TP63: variants seen among roughly 807,000 people sequenced by gnomAD.
TP63 encodes tumor protein p63.
In TP63, 17 loss-of-function variants were observed where a neutral mutation model predicts 82.8. The ratio of observed to expected loss-of-function variants is 0.21; its 90% CI spans 0.14 to 0.31. The LOEUF is 0.31. TP63 is among the 10% of genes least tolerant of loss of function. The pLI, the probability that TP63 is intolerant of heterozygous loss-of-function variation, is 1.00. For synonymous variants in TP63, 330 were observed against 321.7 expected (o/e 1.03, Z -0.28); for missense variants, 648 against 895.3 (o/e 0.72, Z 3.52).
intron 3 of TP63, among the ~76,000 whole-genome samples, chr3:189,779,064 C>G (rs1452391938): frequency 6.6e-6 from 1 of 152,136 alleles, no homozygotes; most frequent in Non-Finnish European, 1.5e-5. Flanking sequence ...AAATACAACA[C>G]TCATACTGAA....
At chr3:189,885,475 C>T (rs1720346802) in intron 10 of TP63, among the ~76,000 whole-genome samples, 1 of 152,184 alleles carries the variant, frequency 6.6e-6, no homozygotes, top group Non-Finnish European at 1.5e-5. Context: ...TGTTAAGTAG[C>T]TCGCATGGGC....
rs374382657 is a variant in TP63, at chr3:189,830,520, G to A, written c.579+21994G>A. Among the ~76,000 whole-genome samples, 4 of 152,186 alleles carry A rather than the reference G, an allele frequency of 2.6e-5. No homozygotes were observed. In the South Asian group the frequency reaches 8.3e-4, roughly 32 times the overall value. On this transcript the variant is annotated intron_variant, in intron 4 of 13. Coordinates refer to ENST00000264731, the MANE Select transcript of TP63 (RefSeq NM_003722.5). ...ATCACTTTTCCTTTCATCATAGTGA[G>A]TTTTCATCACAAACCACAATGATAT... is the stretch of plus-strand genomic sequence containing the variant.
At chr3:189,800,489 AG>A (rs1483064027) in intron 3 of TP63, among the ~76,000 whole-genome samples, 7 of 151,002 alleles carry the variant, frequency 4.6e-5, no homozygotes, top group African/African-American at 1.7e-4. Flanking sequence ...AAAAAAAAAA[AG>A]AAAAAAAAAG....
At chr3:189,812,846 T>C (rs1271223800) in intron 4 of TP63, among the ~76,000 whole-genome samples, 1 of 152,210 alleles carries the variant, frequency 6.6e-6, no homozygotes, top group African/African-American at 2.4e-5. Context: ...AGGTACTCAT[T>C]TGAGAGAATG....
chr3:189,872,637 G>A (rs952669306), intron 9 of TP63, among the ~76,000 whole-genome samples: 10 of 152,124 alleles, frequency 6.6e-5, no homozygotes, highest in African/African-American at 1.7e-4. Flanking sequence ...CTCCTTGTTC[G>A]AACCAGCTGG....
At chr3:189,782,566 C>A (rs914447824) in intron 3 of TP63, among the ~76,000 whole-genome samples, 5 of 152,040 alleles carry the variant, frequency 3.3e-5, no homozygotes, top group Non-Finnish European at 5.9e-5. Context: ...ATAAATACAA[C>A]AATAAAAGAT....
At chr3:189,850,559 T>C (rs1163275473) in intron 4 of TP63, among the ~76,000 whole-genome samples, 1 of 152,088 alleles carries the variant, frequency 6.6e-6, no homozygotes, top group African/African-American at 2.4e-5. Flanking sequence ...TAAGGCTAAA[T>C]GTAGGATGAT....
At chr3:189,673,971 A>G (rs1715163531) in intron 1 of TP63, among the ~76,000 whole-genome samples, 2 of 152,168 alleles carry the variant, frequency 1.3e-5, no homozygotes, top group African/African-American at 4.8e-5. Flanking sequence ...TATATTTATT[A>G]CTTTAGCAAT....
At chr3:189,631,161 A>T (rs1157860503), upstream of TP63, 5 of 887,772 alleles carry the variant, frequency 5.6e-6, no homozygotes, top group South Asian at 1.0e-4. Context: ...AGAGATCAGA[A>T]GTTCAGAGAT....
Position 189,670,092 on chromosome 3 carries a change from T to C in TP63, c.62+38515T>C, listed in dbSNP as rs541676857. Among the ~76,000 whole-genome samples the C allele has an allele frequency of 1.9e-4, 29 of 152,100 alleles. No homozygotes were observed. In the East Asian group the frequency reaches 5.6e-3, roughly 29 times the overall value. On this transcript the variant is annotated intron_variant, in intron 1 of 13. Transcript: ENST00000264731. Reference sequence around the variant, plus strand: ...GAATAATATTAGAAATAAAAATAGATACTTGATAATTGTAAAGAGACAATC... The same window carrying C: ...GAATAATATTAGAAATAAAAATAGACACTTGATAATTGTAAAGAGACAATC...
At chr3:189,600,025 C>T in the TP63 span, among the ~76,000 whole-genome samples, 5 of 152,186 alleles carry the variant, frequency 3.3e-5, no homozygotes, top group Admixed American at 2.6e-4. Context: ...TTCAAAATCA[C>T]GTAATTGAGA....
chr3:189,717,963 C>T (rs757713390), intron 1 of TP63, among the ~76,000 whole-genome samples: 1 of 152,070 alleles, frequency 6.6e-6, no homozygotes, highest in Non-Finnish European at 1.5e-5. Flanking sequence ...CTGTCAGACT[C>T]CAAGAATCTA....
At chr3:189,672,222 G>C (rs1015160050) in intron 1 of TP63, among the ~76,000 whole-genome samples, 8 of 152,042 alleles carry the variant, frequency 5.3e-5, no homozygotes, top group African/African-American at 1.9e-4. Context: ...TGCAGCCAAA[G>C]CTGTGCAGAG....
At chr3:189,731,060 G>C (rs1720132654) in intron 1 of TP63, among the ~76,000 whole-genome samples, 1 of 152,142 alleles carries the variant, frequency 6.6e-6, no homozygotes. Context: ...TAAAGACTTA[G>C]CACCAGGCGC....
intron 3 of TP63, among the ~76,000 whole-genome samples, chr3:189,778,538 A>T (rs1339084012): frequency 6.6e-6 from 1 of 152,182 alleles, no homozygotes; most frequent in East Asian, 1.9e-4. Flanking sequence ...AACTTGTCTG[A>T]TGGGTGAGGA....
At chr3:189,684,450 G>C (rs1577236451) in intron 1 of TP63, among the ~76,000 whole-genome samples, 1 of 152,130 alleles carries the variant, frequency 6.6e-6, no homozygotes, top group Non-Finnish European at 1.5e-5. Flanking sequence ...CAGGAGAATT[G>C]CATGTAAGTA....
At chr3:189,886,142 A>G (rs568011931) in intron 10 of TP63, among the ~76,000 whole-genome samples, 7 of 152,350 alleles carry the variant, frequency 4.6e-5, no homozygotes, top group African/African-American at 1.7e-4. Flanking sequence ...CTCTTTCTCA[A>G]AGGAAATACT....
chr3:189,742,277 T>G lies in TP63; in HGVS notation c.324+3503T>G, dbSNP rs562833619. ...AAAAAAAAAAAAAAAAAAAGTTACT[T>G]TATATCCCATCTTTGTATTATTCAT... On this transcript the variant is annotated intron_variant, in intron 3 of 13. Transcript: ENST00000264731. Among the ~76,000 whole-genome samples the G allele has an allele frequency of 1.3e-3, 191 of 150,552 alleles. 1 individual carries two copies. The highest frequency in any genetic ancestry group is 2.2e-3 in the Non-Finnish European group (148 of 67,714).
intron 4 of TP63, among the ~76,000 whole-genome samples, chr3:189,834,915 G>A (rs1318852027): frequency 8.0e-6 from 1 of 124,968 alleles, no homozygotes; most frequent in African/African-American, 2.9e-5. Flanking sequence ...TTTGCTAAAT[G>A]TCAAACGGTA....
Sources: gnomAD v4.1 joint callset for allele counts (sites outside exome capture counted in the v4.1 genomes callset) on GRCh38, gnomAD v4.1.1 for gene constraint, MANE v1.5 for transcripts, NCBI Gene and HGNC (gene_info 2026-07-23, HGNC 2026-07-21) for gene names.